PTPRD: variants seen among roughly 807,000 people sequenced by gnomAD.
PTPRD encodes receptor-type tyrosine-protein phosphatase delta.
PTPRD carries 34 observed loss-of-function variants against 214.5 expected under a neutral mutation model. The observed-to-expected ratio is 0.16, with a 90% CI of 0.12 to 0.21. PTPRD has a LOEUF of 0.21. Among genes scored for constraint, PTPRD ranks in the 10% least tolerant of loss-of-function variants. The pLI, the probability that PTPRD is intolerant of heterozygous loss-of-function variation, is 1.00. For missense variants in PTPRD, 2,545 were observed against 2,398.7 expected (o/e 1.06, Z -1.27); for synonymous variants, 1,128 against 845.7 (o/e 1.33, Z -5.79).
intron 2 of PTPRD, among the ~76,000 whole-genome samples, chr9:10,398,581 A>C (rs1442594172): frequency 6.6e-6 from 1 of 151,982 alleles, no homozygotes; most frequent in Non-Finnish European, 1.5e-5. Flanking sequence ...CTGGCACTAT[A>C]GATATAAATA....
At chr9:8,661,099 T>G (rs183969916) in intron 12 of PTPRD, among the ~76,000 whole-genome samples, 1 of 152,218 alleles carries the variant, frequency 6.6e-6, no homozygotes, top group East Asian at 1.9e-4. Context: ...AGTCCCAAGT[T>G]CAGATATTGT....
chr9:8,372,830 C>A (rs1001048260), intron 39 of PTPRD, among the ~76,000 whole-genome samples: 1 of 151,860 alleles, frequency 6.6e-6, no homozygotes. Context: ...ATTGGAGGAC[C>A]ATAATTTCCT....
At chr9:9,868,097 T>C (rs148735755) in intron 5 of PTPRD, among the ~76,000 whole-genome samples, 4 of 152,178 alleles carry the variant, frequency 2.6e-5, no homozygotes, top group Admixed American at 2.0e-4. Flanking sequence ...CAGGTGCAGA[T>C]AGACCACTAT....
intron 2 of PTPRD, among the ~76,000 whole-genome samples, chr9:10,482,921 A>G (rs1324335229): frequency 1.3e-5 from 2 of 152,228 alleles, no homozygotes; most frequent in Admixed American, 1.3e-4. Flanking sequence ...TTCTTTACAG[A>G]ATTAGAAAAG....
chr9:9,259,325 A>G (rs367810405), intron 9 of PTPRD, among the ~76,000 whole-genome samples: 1 of 152,036 alleles, frequency 6.6e-6, no homozygotes, highest in Non-Finnish European at 1.5e-5. Context: ...TCTGCTACAC[A>G]AAAATACAGG....
intron 44 of PTPRD, among the ~76,000 whole-genome samples, chr9:8,321,610 C>T (rs919876078): frequency 1.3e-5 from 2 of 149,306 alleles, no homozygotes; most frequent in Non-Finnish European, 3.0e-5. Flanking sequence ...TGAGAACAGG[C>T]ACACATAACA....
At chr9:9,862,591 T>C (rs903560658) in intron 5 of PTPRD, among the ~76,000 whole-genome samples, 3 of 152,198 alleles carry the variant, frequency 2.0e-5, no homozygotes, top group African/African-American at 7.2e-5. Context: ...CTGCATCTGA[T>C]TGAAAGTGAG....
At chr9:8,708,704 A>AAAAAC (rs748191308) in intron 12 of PTPRD, among the ~76,000 whole-genome samples, 3 of 123,750 alleles carry the variant, frequency 2.4e-5, no homozygotes, top group Admixed American at 1.0e-4. Context: ...AAAAAAAAAA[A>AAAAAC]CAGAGCTACC....
rs1032442213 is a variant in PTPRD, at chr9:8,571,237, C to T, written c.353-42458G>A. ...TAATTCTATTTCTATTGTTCACTCTCTTACTGTGCCTTGTGAATACTTAAG... is the reference window on the plus strand; with the variant it reads ...TAATTCTATTTCTATTGTTCACTCTTTTACTGTGCCTTGTGAATACTTAAG... On this transcript the variant is annotated intron_variant, in intron 14 of 45. Coordinates refer to ENST00000381196, the MANE Select transcript of PTPRD (RefSeq NM_002839.4). 2.0e-5 allele frequency among the ~76,000 whole-genome samples: 3 copies of T among 152,246 alleles called. No individual in the cohort carries two copies. In the South Asian group the frequency reaches 6.2e-4, roughly 32 times the overall value.
chr9:10,415,073 T>A (rs369220484), intron 2 of PTPRD, among the ~76,000 whole-genome samples: 2 of 151,722 alleles, frequency 1.3e-5, no homozygotes, highest in East Asian at 1.9e-4. Flanking sequence ...CCTGCACATA[T>A]ACCCTTCAAC....
intron 9 of PTPRD, among the ~76,000 whole-genome samples, chr9:9,383,252 TC>T (rs1264280070): frequency 6.6e-6 from 1 of 152,084 alleles, no homozygotes; most frequent in Non-Finnish European, 1.5e-5. Flanking sequence ...AAGAAAATTG[TC>T]CTATTTTTTC....
At chr9:9,996,721 C>A (rs1377643235) in intron 4 of PTPRD, among the ~76,000 whole-genome samples, 1 of 152,118 alleles carries the variant, frequency 6.6e-6, no homozygotes, top group East Asian at 1.9e-4. Context: ...ATTAGCTGAC[C>A]ACTATAAGGT....
intron 11 of PTPRD, among the ~76,000 whole-genome samples, chr9:8,854,389 A>G (rs1427349452): frequency 6.6e-6 from 1 of 152,124 alleles, no homozygotes; most frequent in African/African-American, 2.4e-5. Flanking sequence ...ACCTTTCTTG[A>G]AATGACACTT....
chr9:8,769,824 T>C (rs1211437488), intron 11 of PTPRD, among the ~76,000 whole-genome samples: 1 of 151,072 alleles, frequency 6.6e-6, no homozygotes, highest in Non-Finnish European at 1.5e-5. Context: ...AAAAAATACA[T>C]AGAAATCTGA....
chr9:9,722,311 A>G (rs937780486), intron 7 of PTPRD, among the ~76,000 whole-genome samples: 2 of 152,100 alleles, frequency 1.3e-5, no homozygotes, highest in Non-Finnish European at 2.9e-5. Flanking sequence ...GGTAAACATA[A>G]TAATAAAATA....
intron 21 of PTPRD, among the ~76,000 whole-genome samples, chr9:8,512,567 T>A (rs1260804863): frequency 6.6e-6 from 1 of 152,008 alleles, no homozygotes; most frequent in Non-Finnish European, 1.5e-5. Flanking sequence ...TGTCATAGCT[T>A]ATATTTTAAC....
intron 7 of PTPRD, among the ~76,000 whole-genome samples, chr9:9,675,562 ACATT>A (rs1175524438): frequency 1.3e-5 from 2 of 152,024 alleles, no homozygotes; most frequent in East Asian, 1.9e-4. Flanking sequence ...ACAGTCATAT[ACATT>A]CAAAGTAGAT....
rs566412091 is a variant in PTPRD at position 9,454,742 on chromosome 9, C to T, written c.-236-57260G>A. ...TTACACATACTGTAAAAGTTAACAA[C>T]ATTCTACAAACATTTAGCACCGACT... On this transcript the variant is annotated intron_variant, in intron 8 of 45. Transcript: ENST00000381196. 2.0e-4 allele frequency among the ~76,000 whole-genome samples: 30 copies of T among 151,576 alleles called. No individual in the cohort carries two copies. The East Asian group carries it at 5.6e-3, about 29-fold the overall frequency.
chr9:10,531,767 A>C (rs1481964080), intron 2 of PTPRD, among the ~76,000 whole-genome samples: 1 of 152,202 alleles, frequency 6.6e-6, no homozygotes, highest in East Asian at 1.9e-4. Flanking sequence ...AAAAATCACA[A>C]ATAAACAAAC....
Sources: allele counts gnomAD v4.1 joint callset (sites outside exome capture counted in the v4.1 genomes callset), GRCh38; gene constraint gnomAD v4.1.1; transcripts MANE v1.5; gene names NCBI Gene and HGNC (gene_info 2026-07-23, HGNC 2026-07-21).